Variants in ZNF253 observed in about 807,000 individuals in gnomAD.
The protein encoded by ZNF253 is DNA-binding protein.
ZNF253 carries 8 observed loss-of-function variants against 11.9 expected under a neutral mutation model. The ratio of observed to expected loss-of-function variants is 0.67; its 90% CI spans 0.40 to 1.22. The LOEUF (loss-of-function observed/expected upper bound fraction) is 1.22, where lower values mean the gene tolerates loss of function less well. Among genes scored for constraint, ZNF253 ranks in the 50% most tolerant of loss-of-function variants. ZNF253 has a pLI of 0.01. For missense variants in ZNF253, 485 were observed against 586.9 expected (o/e 0.83, Z 1.79); for synonymous variants, 194 against 194.9 (o/e 1.00, Z 0.04).
At chr19:19,890,679 G>A (rs1214404271) in intron 3 of ZNF253, among the ~76,000 whole-genome samples, 1 of 151,664 alleles carries the variant, frequency 6.6e-6, no homozygotes. Context: ...CTGTTACCAT[G>A]CCTGGCTAAT....
At position 19,892,018 on chromosome 19, in the gene ZNF253, A is replaced by C. The variant is rs748561153; in HGVS notation, c.771A>C (p.Lys257Asn). Residue 257 changes from lysine to asparagine, a missense_variant, in exon 4 of 4, where the codon AAA (lysine) becomes AAC (asparagine). Around this residue, in one of 3 missense-constraint regions of ZNF253, gnomAD observed 232 missense variants for 321.4 expected, o/e 0.72. Coordinates refer to ENST00000589717, the MANE Select transcript of ZNF253 (RefSeq NM_021047.3). Reference protein sequence around the residue: ...KKIHTGEKPYKCEECGKAFNR... With the variant: ...KKIHTGEKPYNCEECGKAFNR... ...TTCATACTGGAGAGAAACCCTACAA[A>C]TGTGAAGAATGTGGCAAAGCCTTCA... 2 of 1,613,768 alleles carry C rather than the reference A, an allele frequency of 1.2e-6. No individual in the cohort carries two copies. The highest frequency in any genetic ancestry group is 1.1e-5 in the South Asian group (1 of 91,070).
chr19:19,894,067 A>G lies in ZNF253; in HGVS notation c.*1320A>G, dbSNP rs191663597. The G allele has an allele frequency of 2.0e-5, 3 of 152,382 alleles. No individual in the cohort carries two copies. 9.4% of individuals were successfully genotyped at this position (152,382 alleles called of 1,614,324 possible). On this transcript the variant is annotated 3_prime_UTR_variant, in exon 4 of 4. Transcript: ENST00000589717. ...TCAAAATTGATTCTATGTAAATATC[A>G]GAGAATTTTCCATAGAATAATTAAG...
At position 19,893,646 on chromosome 19, in the gene ZNF253, C is replaced by T. The variant is rs939609203; in HGVS notation, c.*899C>T. 1.3e-5 allele frequency: 2 copies of T among 152,124 alleles called. No individual in the cohort carries two copies. Among genetic ancestry groups the T allele is most frequent in the African/African-American group, 2.4e-5 (1 of 41,414 alleles). The allele number at this position is 152,124 out of a possible 1,614,324, so 9.4% of individuals were successfully genotyped here. Reference sequence around the variant, plus strand: ...TGCAAATACAAAGAATATGGAAAAACCATTAATGCCTACTCACATCTTACT... The same window carrying T: ...TGCAAATACAAAGAATATGGAAAAATCATTAATGCCTACTCACATCTTACT... On this transcript the variant is annotated 3_prime_UTR_variant, in exon 4 of 4. Coordinates refer to ENST00000589717, the MANE Select transcript of ZNF253 (RefSeq NM_021047.3).
In ZNF253 at chr19:19,892,447, A is replaced by G. The variant is rs1325953052; in HGVS notation, c.1200A>G (p.Glu400=). ...GAGAGAAACCCTACAAATGTGATGA[A>G]TGTGGCAAAACCTTTACCTGGCCCT... The part of the protein sequence containing the change: ...HTGEKPYKCD[E]CGKTFTWPSI... Residue 400 remains glutamate (E), a synonymous_variant, in exon 4 of 4, where the codon GAA becomes GAG. Coordinates refer to ENST00000589717, the MANE Select transcript of ZNF253 (RefSeq NM_021047.3). 2 of 1,614,072 alleles carry G rather than the reference A, an allele frequency of 1.2e-6. No individual in the cohort carries two copies. Among genetic ancestry groups the G allele is most frequent in the Non-Finnish European group, 1.7e-6 (2 of 1,180,014 alleles).
chr19:19,891,806 C>T lies in ZNF253; in HGVS notation c.559C>T (p.Leu187Phe), dbSNP rs1425176043. Residue 187 changes from leucine (L) to phenylalanine (F), a missense_variant, in exon 4 of 4, where the codon CTT becomes TTT. By Grantham distance (22) the Leu-to-Phe change is conservative. Transcript: ENST00000589717. ...CAAAGCTTTTAAACGGTCCTCAACC[C>T]TTACTACACATAAGAAAATTCATAC... ...CGKAFKRSST[L>F]TTHKKIHTGE... 1.2e-6 allele frequency: 2 copies of T among 1,614,154 alleles called. No individual in the cohort carries two copies. Among genetic ancestry groups the T allele is most frequent in the South Asian group, 2.2e-5 (2 of 91,078 alleles).
At chr19:19,890,832 ATTTTTTTTTTTT>A (rs770757608) in intron 3 of ZNF253, among the ~76,000 whole-genome samples, 2 of 76,834 alleles carry the variant, frequency 2.6e-5, no homozygotes, top group African/African-American at 6.8e-5. Flanking sequence ...CAACAATTTA[ATTTTTTTTTTTT>A]TTTTTTTTTT....
At chr19:19,867,807 A>G (rs2063117788) in intron 1 of ZNF253, among the ~76,000 whole-genome samples, 1 of 152,198 alleles carries the variant, frequency 6.6e-6, no homozygotes, top group African/African-American at 2.4e-5. Context: ...TATATACCCA[A>G]TTATGAGGTA....
rs759639119 is a variant in ZNF253 at position 19,892,110 on chromosome 19, A to T, written c.863A>T (p.Glu288Val). 1.2e-6 allele frequency: 2 copies of T among 1,613,978 alleles called. No individual in the cohort carries two copies. The highest frequency in any genetic ancestry group is 1.7e-6 in the Non-Finnish European group (2 of 1,180,032). Residue 288 changes from glutamate to valine, a missense_variant, in exon 4 of 4, where the codon GAA becomes GTA. Glu to Val is a moderately radical substitution (Grantham distance 121). Transcript: ENST00000589717. Reference sequence around the variant, plus strand: ...GGAGAGAAACCCTACAAATGTGAAGAATGTGGCAAAGCCTTTAAGCACCCC... The same window carrying T: ...GGAGAGAAACCCTACAAATGTGAAGTATGTGGCAAAGCCTTTAAGCACCCC... ...HTGEKPYKCE[E>V]CGKAFKHPSH...
At position 19,865,971 on chromosome 19, in the gene ZNF253, A is replaced by G. The variant is rs1398278442; in HGVS notation, c.-26A>G. 1 of 1,613,956 alleles carries G rather than the reference A, an allele frequency of 6.2e-7. No individual in the cohort carries two copies. The highest frequency in any genetic ancestry group is 1.1e-5 in the South Asian group (1 of 91,068). On this transcript the variant is annotated 5_prime_UTR_variant, in exon 1 of 4. Transcript: ENST00000589717. Reference sequence around the variant, plus strand: ...CAAGTATTGGGAGAGCCACAGCTAAACCCCGGGACCCCTGGAAGCCTAGAA... The same window carrying G: ...CAAGTATTGGGAGAGCCACAGCTAAGCCCCGGGACCCCTGGAAGCCTAGAA...
rs34794238 is a variant in ZNF253, at chr19:19,880,292, T to TTTTTTG, written c.226+146_226+147insTTTTTG. The TTTTTTG allele has an allele frequency of 4.1e-5, 17 of 413,926 alleles. 1 individual carries two copies. The highest frequency in any genetic ancestry group is 1.7e-4 in the South Asian group (6 of 35,590). The allele number at this position is 413,926 out of a possible 1,614,324, so 25.6% of individuals were successfully genotyped here. On this transcript the variant is annotated intron_variant, in intron 3 of 3. Coordinates refer to ENST00000589717, the MANE Select transcript of ZNF253 (RefSeq NM_021047.3). ...GCAGCTGTTTTTTTTTTTTTTTTTT[T>TTTTTTG]CTCCCACAAAGGGGCATCTTCTGTC... is the stretch of plus-strand genomic sequence containing the variant.
chr19:19,892,688 A>G lies in ZNF253; in HGVS notation c.1441A>G (p.Ile481Val), dbSNP rs2122145568. The G allele has an allele frequency of 6.2e-7, 1 of 1,609,598 alleles. No individual in the cohort carries two copies. The highest frequency in any genetic ancestry group is 8.5e-7 in the Non-Finnish European group (1 of 1,178,510). ...KKIHIERKPY[I>V]VKNVTDLLNV... ...AATTCATATTGAACGAAAACCCTACATAGTGAAGAATGTGACAGATCTTTT... is the reference window on the plus strand; with the variant it reads ...AATTCATATTGAACGAAAACCCTACGTAGTGAAGAATGTGACAGATCTTTT... The change falls in exon 4 of 4, where the codon ATA becomes GTA. Residue 481 changes from isoleucine (I) to valine (V), a missense_variant. By Grantham distance (29) the Ile-to-Val change is conservative. This residue lies in a region of ZNF253 where 232 missense variants were observed against 321.4 expected (regional missense o/e 0.72). Transcript: ENST00000589717.
Position 19,892,408 on chromosome 19 carries a change from G to A in ZNF253, c.1161G>A (p.Glu387=), listed in dbSNP as rs762653785. The change falls in exon 4 of 4, where the codon GAG becomes GAA. Residue 387 remains glutamate, a synonymous_variant. Coordinates refer to ENST00000589717, the MANE Select transcript of ZNF253 (RefSeq NM_021047.3). ...FNHSTTLFSH[E]KIHTGEKPYK... ...ATTCCACAACCCTTTTTTCACATGA[G>A]AAAATTCATACTGGAGAGAAACCCT... 14 of 1,613,784 alleles carry A rather than the reference G, an allele frequency of 8.7e-6. No homozygotes were observed. The African/African-American group carries it at 1.9e-4, about 22-fold the overall frequency.
intron 1 of ZNF253, among the ~76,000 whole-genome samples, chr19:19,874,349 C>T (rs565838188): frequency 2.0e-5 from 3 of 151,808 alleles, no homozygotes; most frequent in Admixed American, 6.6e-5. Context: ...TATGGTGAAA[C>T]GCTGTCTTTA....
chr19:19,882,701 G>A (rs185077294), intron 3 of ZNF253, among the ~76,000 whole-genome samples: 5 of 152,194 alleles, frequency 3.3e-5, no homozygotes, highest in African/African-American at 9.6e-5. Context: ...TGCTGGATGC[G>A]GTGGCTCACG....
intron 1 of ZNF253, among the ~76,000 whole-genome samples, chr19:19,873,874 C>G (rs975770296): frequency 2.6e-5 from 4 of 152,050 alleles, no homozygotes; most frequent in African/African-American, 9.7e-5. Flanking sequence ...GATGTCTACA[C>G]CTGTAGGGAT....
chr19:19,893,145 T>A lies in ZNF253; in HGVS notation c.*398T>A, dbSNP rs2063241173. The A allele has an allele frequency of 5.8e-6, 1 of 171,070 alleles. No individual in the cohort carries two copies. Among genetic ancestry groups the A allele is most frequent in the Admixed American group, 5.6e-5 (1 of 17,842 alleles). The allele number at this position is 171,070 out of a possible 1,614,324, so 10.6% of individuals were successfully genotyped here. Reference sequence around the variant, plus strand: ...GGTGCCCAACACCACGCCTGGCTAATTTTTGGATTTTTAGTAGAGATGGGG... The same window carrying A: ...GGTGCCCAACACCACGCCTGGCTAAATTTTGGATTTTTAGTAGAGATGGGG... On this transcript the variant is annotated 3_prime_UTR_variant, in exon 4 of 4. Coordinates refer to ENST00000589717, the MANE Select transcript of ZNF253 (RefSeq NM_021047.3).
intron 3 of ZNF253, among the ~76,000 whole-genome samples, chr19:19,884,876 T>C (rs1169235387): frequency 6.6e-6 from 1 of 152,218 alleles, no homozygotes; most frequent in Non-Finnish European, 1.5e-5. Context: ...TCTTTTTTCA[T>C]TTCTCTACAA....
chr19:19,881,542 G>A (rs1438872377), intron 3 of ZNF253, among the ~76,000 whole-genome samples: 1 of 151,210 alleles, frequency 6.6e-6, no homozygotes, highest in African/African-American at 2.4e-5. Context: ...CCAGCAACTC[G>A]TTAGGCTGAG....
At chr19:19,881,464 C>A (rs1424780515) in intron 3 of ZNF253, among the ~76,000 whole-genome samples, 2 of 151,470 alleles carry the variant, frequency 1.3e-5, no homozygotes, top group East Asian at 3.9e-4. Context: ...GCCTGACCAA[C>A]ATAGAGAAAC....
Sources: allele counts gnomAD v4.1 joint callset (sites outside exome capture counted in the v4.1 genomes callset), GRCh38; gene constraint gnomAD v4.1.1; regional missense constraint gnomAD v4.1.1; transcripts MANE v1.5; gene names NCBI Gene and HGNC (gene_info 2026-07-23, HGNC 2026-07-21).